KIF26B: variants seen among roughly 807,000 people sequenced by gnomAD.
KIF26B encodes kinesin-like protein KIF26B.
In KIF26B, 63 loss-of-function variants were observed where a neutral mutation model predicts 151.2. The observed-to-expected ratio is 0.42, with a 90% CI of 0.34 to 0.51. The LOEUF (loss-of-function observed/expected upper bound fraction) is 0.51. Ranked by LOEUF, KIF26B falls within the 20% of genes least tolerant of loss-of-function variation. KIF26B has a pLI of 0.07. For synonymous variants in KIF26B, 1,357 were observed against 1,262.1 expected, an observed-to-expected ratio of 1.08 and a Z score of -1.59; for missense variants, 2,813 against 2,913.6, an observed-to-expected ratio of 0.97 and a Z score of 0.79.
chr1:245,510,660 C>CCCCT (rs924075904), intron 4 of KIF26B, among the ~76,000 whole-genome samples: 7 of 149,908 alleles, frequency 4.7e-5, no homozygotes, highest in South Asian at 4.3e-4. Flanking sequence ...CCTGCCTCTG[C>CCCCT]CCCTCCCTCC....
intron 2 of KIF26B, chr1:245,216,092 A>G (rs1457210354): frequency 6.6e-6 from 1 of 152,012 alleles, no homozygotes; most frequent in Non-Finnish European, 1.5e-5. Context: ...TAAAAAATAA[A>G]TAAGTAATAG....
intron 5 of KIF26B, among the ~76,000 whole-genome samples, chr1:245,553,578 A>G (rs1661944212): frequency 6.6e-6 from 1 of 152,162 alleles, no homozygotes; most frequent in Non-Finnish European, 1.5e-5. Context: ...CGTGTGACTT[A>G]TGTTTCCCTG....
chr1:245,255,726 G>T (rs1197527978), intron 2 of KIF26B, among the ~76,000 whole-genome samples: 2 of 152,122 alleles, frequency 1.3e-5, no homozygotes, highest in African/African-American at 4.8e-5. Flanking sequence ...AACTCTTGAA[G>T]GCAGCAGTAT....
chr1:245,344,855 T>G (rs951989234), intron 2 of KIF26B, among the ~76,000 whole-genome samples: 1 of 151,926 alleles, frequency 6.6e-6, no homozygotes, highest in Non-Finnish European at 1.5e-5. Context: ...CACAGTTACA[T>G]TTTTCGGACT....
intron 3 of KIF26B, among the ~76,000 whole-genome samples, chr1:245,406,287 C>T (rs961937711): frequency 2.0e-5 from 3 of 152,154 alleles, no homozygotes; most frequent in South Asian, 2.1e-4. Flanking sequence ...CTTAATGTAA[C>T]GTTTACCAGG....
At chr1:245,654,976 C>T (rs1308865264) in intron 10 of KIF26B, among the ~76,000 whole-genome samples, 1 of 152,162 alleles carries the variant, frequency 6.6e-6, no homozygotes, top group East Asian at 1.9e-4. Flanking sequence ...TGGGAAATTC[C>T]ACAACTGGCA....
chr1:245,532,297 G>C (rs563376774), intron 4 of KIF26B, among the ~76,000 whole-genome samples: 13 of 144,598 alleles, frequency 9.0e-5, no homozygotes, highest in Non-Finnish European at 1.3e-4. Context: ...CCAGGCTGGA[G>C]TGCAGTGGCG....
At chr1:245,586,655 G>A (rs1375107736) in intron 5 of KIF26B, among the ~76,000 whole-genome samples, 2 of 151,354 alleles carry the variant, frequency 1.3e-5, no homozygotes, top group African/African-American at 2.4e-5. Context: ...AGGCCGAGGC[G>A]GGTGGATCAT....
chr1:245,193,890 C>A (rs1669150306), intron 2 of KIF26B, among the ~76,000 whole-genome samples: 1 of 152,216 alleles, frequency 6.6e-6, no homozygotes. Flanking sequence ...GAGAAAGATT[C>A]AGAGCAGAGA....
chr1:245,595,527 G>C (rs1019290046), intron 5 of KIF26B, among the ~76,000 whole-genome samples: 10 of 152,186 alleles, frequency 6.6e-5, no homozygotes, highest in African/African-American at 2.4e-4. Flanking sequence ...GATCGTGGTG[G>C]ATAAGCTTTT....
intron 4 of KIF26B, among the ~76,000 whole-genome samples, chr1:245,434,964 T>G (rs1658868362): frequency 6.7e-6 from 1 of 149,796 alleles, no homozygotes; most frequent in African/African-American, 2.5e-5. Flanking sequence ...TGGAAGTATA[T>G]GCTCTTTTGT....
At chr1:245,480,241 T>C (rs1178772071) in intron 4 of KIF26B, among the ~76,000 whole-genome samples, 1 of 129,472 alleles carries the variant, frequency 7.7e-6, no homozygotes, top group Non-Finnish European at 1.7e-5. Flanking sequence ...ACCGTGCCAC[T>C]GCACTCCAGC....
intron 5 of KIF26B, among the ~76,000 whole-genome samples, chr1:245,558,063 A>G (rs1282732221): frequency 6.6e-6 from 1 of 152,174 alleles, no homozygotes; most frequent in Non-Finnish European, 1.5e-5. Flanking sequence ...CCAGTGGGTG[A>G]TCAACTACAG....
intron 5 of KIF26B, among the ~76,000 whole-genome samples, chr1:245,542,834 A>G (rs576060403): frequency 6.6e-6 from 1 of 152,194 alleles, no homozygotes; most frequent in Non-Finnish European, 1.5e-5. Flanking sequence ...GGGATTTGGA[A>G]CTTCAGTGCC....
intron 4 of KIF26B, among the ~76,000 whole-genome samples, chr1:245,443,175 G>A (rs1222884425): frequency 7.0e-6 from 1 of 143,394 alleles, no homozygotes; most frequent in Non-Finnish European, 1.5e-5. Context: ...TAGAGGAGAG[G>A]TCATCTCCCT....
chr1:245,702,231 A>C lies in KIF26B; in HGVS notation c.6179-227A>C, dbSNP rs1277394733. Reference sequence around the variant, plus strand: ...GAATGTCACCTTATTGGTCAGTAGAATCTCAGAAAAAACCTTAAGGATCTA... The same window carrying C: ...GAATGTCACCTTATTGGTCAGTAGACTCTCAGAAAAAACCTTAAGGATCTA... On this transcript the variant is annotated intron_variant, in intron 14 of 14. Transcript: ENST00000407071. This position sits in a 1 kb window ranked among gnomAD's most constrained non-coding sequence, Gnocchi z 4.1. 6.6e-6 allele frequency among the ~76,000 whole-genome samples: 1 copy of C among 152,168 alleles called. No individual in the cohort carries two copies. The highest frequency in any genetic ancestry group is 6.5e-5 in the Admixed American group (1 of 15,288).
At chr1:245,541,920 C>A (rs1032734505) in intron 5 of KIF26B, among the ~76,000 whole-genome samples, 2 of 152,174 alleles carry the variant, frequency 1.3e-5, no homozygotes, top group African/African-American at 4.8e-5. Flanking sequence ...TCCCCTTGCA[C>A]CCTCTACCCT....
chr1:245,460,419 C>G (rs1294244163), intron 4 of KIF26B, among the ~76,000 whole-genome samples: 1 of 152,070 alleles, frequency 6.6e-6, no homozygotes, highest in Admixed American at 6.6e-5. Context: ...GGTAATGTTT[C>G]CTTGTAACAC....
intron 8 of KIF26B, among the ~76,000 whole-genome samples, chr1:245,610,786 C>T (rs1240966054): frequency 6.6e-6 from 1 of 152,050 alleles, no homozygotes; most frequent in Non-Finnish European, 1.5e-5. Flanking sequence ...TTTATTTTTC[C>T]ATAGCGAGAC....
Sources: allele counts gnomAD v4.1 joint callset (sites outside exome capture counted in the v4.1 genomes callset), GRCh38; gene constraint gnomAD v4.1.1; non-coding constraint Gnocchi (gnomAD v3.1); transcripts MANE v1.5; gene names NCBI Gene and HGNC (gene_info 2026-07-23, HGNC 2026-07-21).